NTRK3: variants seen among roughly 807,000 people sequenced by gnomAD.
NTRK3 encodes NT-3 growth factor receptor.
NTRK3 carries 24 observed loss-of-function variants against 91.7 expected under a neutral mutation model. The observed-to-expected ratio is 0.26, with a 90% CI of 0.19 to 0.37. NTRK3 has a LOEUF of 0.37. NTRK3 is among the 10% of genes least tolerant of loss of function. The pLI, the probability that NTRK3 is intolerant of heterozygous loss-of-function variation, is 1.00. For synonymous variants in NTRK3, 483 were observed against 404.0 expected (o/e 1.20, Z -2.34); for missense variants, 880 against 1,068.9 (o/e 0.82, Z 2.46).
intron 3 of NTRK3, among the ~76,000 whole-genome samples, chr15:88,227,426 T>A (rs1381935473): frequency 1.3e-5 from 2 of 152,108 alleles, no homozygotes; most frequent in African/African-American, 4.8e-5. Context: ...TACAATGAGG[T>A]CATTAGGATG....
chr15:87,863,015 G>C (rs570254805), exon 19 of NTRK3: 6 of 230,824 alleles, frequency 2.6e-5, no homozygotes, highest in African/African-American at 1.3e-4. Flanking sequence ...GAAAATGATT[G>C]TGTATAAGCA....
At chr15:87,892,253 G>C (rs140013146) in intron 17 of NTRK3, among the ~76,000 whole-genome samples, 84 of 152,230 alleles carry the variant, frequency 5.5e-4, no homozygotes, top group African/African-American at 1.9e-3. Context: ...CTAATGATTG[G>C]GGAAATATCT....
At position 88,235,730 on chromosome 15, in the gene NTRK3, C is replaced by T. The variant is rs2051658856; in HGVS notation, c.248+20176G>A. Among the ~76,000 whole-genome samples the T allele has an allele frequency of 6.6e-6, 1 of 152,178 alleles. No homozygotes were observed. Among genetic ancestry groups the T allele is most frequent in the Non-Finnish European group, 1.5e-5 (1 of 68,030 alleles). On this transcript the variant is annotated intron_variant, in intron 3 of 18. Coordinates refer to ENST00000394480, the Ensembl canonical transcript of NTRK3. The surrounding 1 kb of genome is among the most constrained non-coding windows in gnomAD (Gnocchi z 5.2). Reference sequence around the variant, plus strand: ...TTGGGCTGAGGACCCCAGAAGGTGCCCTTGAGAAGTCAGTCATCTGTTTTC... The same window carrying T: ...TTGGGCTGAGGACCCCAGAAGGTGCTCTTGAGAAGTCAGTCATCTGTTTTC...
chr15:88,107,488 A>G (rs8030529), intron 13 of NTRK3, among the ~76,000 whole-genome samples: 93,304 of 152,046 alleles, frequency 0.61, 29,883 homozygotes, highest in African/African-American at 0.8. Flanking sequence ...GTCCCTTCCT[A>G]GGCTCAATGC....
intron 14 of NTRK3, among the ~76,000 whole-genome samples, chr15:88,032,368 C>A (rs746915690): frequency 2.6e-5 from 4 of 152,140 alleles, no homozygotes; most frequent in Non-Finnish European, 4.4e-5. Context: ...TGATCTGATT[C>A]TCAGAAAGTG....
intron 14 of NTRK3, among the ~76,000 whole-genome samples, chr15:87,997,682 C>A (rs569523101): frequency 1.8e-4 from 27 of 152,092 alleles, no homozygotes; most frequent in Admixed American, 6.6e-4. Flanking sequence ...GATATGTGTT[C>A]TTTGATTCCT....
At chr15:87,946,242 C>T (rs1174054290) in intron 14 of NTRK3, 1 of 152,142 alleles carries the variant, frequency 6.6e-6, no homozygotes, top group African/African-American at 2.4e-5. Flanking sequence ...GAGGCCAAAA[C>T]AGTTTGCGGG....
At chr15:88,138,959 G>C (rs988803003) in intron 6 of NTRK3, among the ~76,000 whole-genome samples, 6 of 152,174 alleles carry the variant, frequency 3.9e-5, no homozygotes, top group African/African-American at 1.4e-4. Flanking sequence ...TGGGGGAGTA[G>C]GTGGTTATCT....
At chr15:88,199,746 G>A (rs1366296634) in intron 3 of NTRK3, among the ~76,000 whole-genome samples, 2 of 152,216 alleles carry the variant, frequency 1.3e-5, no homozygotes, top group Non-Finnish European at 2.9e-5. Context: ...AGTGTCTGGG[G>A]AGACCCAGTC....
chr15:87,955,953 T>C (rs566109536), intron 14 of NTRK3, among the ~76,000 whole-genome samples: 10 of 152,188 alleles, frequency 6.6e-5, no homozygotes, highest in South Asian at 2.1e-4. Flanking sequence ...CTGGAGCTCA[T>C]CGGTATAGAG....
intron 3 of NTRK3, among the ~76,000 whole-genome samples, chr15:88,197,618 C>T (rs989421553): frequency 1.3e-5 from 2 of 152,190 alleles, no homozygotes; most frequent in African/African-American, 4.8e-5. Context: ...AACCATTGCA[C>T]TACTGAGATG....
intron 14 of NTRK3, among the ~76,000 whole-genome samples, chr15:87,954,395 C>G (rs62019205): frequency 0.19 from 28,443 of 152,220 alleles, 3,153 homozygotes; most frequent in South Asian, 0.31. Flanking sequence ...GCTATACCTC[C>G]TGCCTCCTGC....
intron 3 of NTRK3, among the ~76,000 whole-genome samples, chr15:88,213,228 C>T (rs1410366055): frequency 6.6e-6 from 1 of 152,194 alleles, no homozygotes; most frequent in African/African-American, 2.4e-5. Flanking sequence ...TCCCGTTTCA[C>T]ACATGAGGAA....
At chr15:88,100,180 C>G (rs766688452) in intron 13 of NTRK3, among the ~76,000 whole-genome samples, 7 of 152,196 alleles carry the variant, frequency 4.6e-5, no homozygotes, top group Non-Finnish European at 8.8e-5. Flanking sequence ...CAGATATAAG[C>G]TTTCCTAAGA....
intron 6 of NTRK3, among the ~76,000 whole-genome samples, chr15:88,145,074 C>T (rs1597582264): frequency 6.6e-6 from 1 of 152,182 alleles, no homozygotes; most frequent in South Asian, 2.1e-4. Context: ...CAACCCATCC[C>T]CACGCCCCAG....
In NTRK3 at chr15:88,095,121, C is replaced by T. The variant is rs2049449597; in HGVS notation, c.1396+31150G>A. The stretch of plus-strand genomic sequence containing the variant: ...CCTTGGCAGCAATGACATTCAATCA[C>T]TGCAAGAAGGAAGAGTGAGAACAGC... On this transcript the variant is annotated intron_variant, in intron 13 of 18. Coordinates refer to ENST00000394480, the Ensembl canonical transcript of NTRK3. Among the ~76,000 whole-genome samples the T allele has an allele frequency of 2.6e-5, 4 of 152,210 alleles. No homozygotes were observed. In the South Asian group the frequency reaches 8.3e-4, roughly 32 times the overall value.
chr15:87,969,819 G>A (rs911788895), intron 14 of NTRK3, among the ~76,000 whole-genome samples: 8 of 152,094 alleles, frequency 5.3e-5, no homozygotes, highest in Admixed American at 2.6e-4. Context: ...AAATCTTGCC[G>A]AGAACTCCCG....
rs551436827 is a variant in NTRK3 at position 87,969,729 on chromosome 15, C to T, written c.1586-28976G>A. 1.2e-4 allele frequency among the ~76,000 whole-genome samples: 18 copies of T among 152,306 alleles called. 1 individual carries two copies. In the South Asian group the frequency reaches 3.7e-3, roughly 32 times the overall value. ...GCCCAGGCAACTCCCTGGAGAATGA[C>T]CCCTCAAGCTTTAACATTTATACTT... On this transcript the variant is annotated intron_variant, in intron 14 of 18. Coordinates refer to ENST00000394480, the Ensembl canonical transcript of NTRK3.
chr15:88,224,067 G>T (rs563463797), intron 3 of NTRK3, among the ~76,000 whole-genome samples: 1 of 152,338 alleles, frequency 6.6e-6, no homozygotes, highest in Admixed American at 6.5e-5. Flanking sequence ...GTCTGATCTG[G>T]TGTGATCTCA....
Sources: allele counts gnomAD v4.1 joint callset (sites outside exome capture counted in the v4.1 genomes callset), GRCh38; gene constraint gnomAD v4.1.1; non-coding constraint Gnocchi (gnomAD v3.1); transcripts MANE v1.5; gene names NCBI Gene and HGNC (gene_info 2026-07-23, HGNC 2026-07-21).